The following ACAP2 variants were observed in gnomAD, a reference collection of about 807,000 sequenced individuals.
The protein encoded by ACAP2 is ArfGAP with coiled-coil, ankyrin repeat and PH domains 2.
In ACAP2, 39 loss-of-function variants were observed where a neutral mutation model predicts 115.8. The observed-to-expected ratio is 0.34, with a 90% CI of 0.26 to 0.44. ACAP2 has a LOEUF of 0.44. Among genes scored for constraint, ACAP2 ranks in the 20% least tolerant of loss-of-function variants. The pLI, the probability that ACAP2 is intolerant of heterozygous loss-of-function variation, is 1.00. For missense variants in ACAP2, 662 were observed against 927.6 expected, an observed-to-expected ratio of 0.71 and a Z score of 3.72; for synonymous variants, 289 against 315.8, an observed-to-expected ratio of 0.92 and a Z score of 0.90.
At chr3:195,330,259 G>C (rs1730079351) in intron 8 of ACAP2, among the ~76,000 whole-genome samples, 1 of 152,042 alleles carries the variant, frequency 6.6e-6, no homozygotes, top group African/African-American at 2.4e-5. Flanking sequence ...CTACTGCCAT[G>C]ACTTTAGTTT....
chr3:195,354,941 G>A (rs1731856589), intron 4 of ACAP2, among the ~76,000 whole-genome samples: 1 of 152,200 alleles, frequency 6.6e-6, no homozygotes, highest in Non-Finnish European at 1.5e-5. Flanking sequence ...TCAGCTCACT[G>A]TTACCTGTAC....
intron 2 of ACAP2, among the ~76,000 whole-genome samples, chr3:195,389,215 G>C (rs937728601): frequency 6.6e-6 from 1 of 151,966 alleles, no homozygotes; most frequent in Non-Finnish European, 1.5e-5. Flanking sequence ...ACTCAATGTC[G>C]ATACTTCAAT....
intron 1 of ACAP2, among the ~76,000 whole-genome samples, chr3:195,424,239 T>TGGG (rs1338377450): frequency 9.9e-6 from 1 of 101,316 alleles, no homozygotes; most frequent in African/African-American, 3.8e-5. Context: ...TGTGTGTGTG[T>TGGG]GTGTGGTGTG....
At chr3:195,334,093 GAAT>G (rs1439440012) in intron 7 of ACAP2, among the ~76,000 whole-genome samples, 1 of 151,726 alleles carries the variant, frequency 6.6e-6, no homozygotes, top group Non-Finnish European at 1.5e-5. Flanking sequence ...ATAATTAAAT[GAAT>G]AATACTGAAA....
chr3:195,331,502 G>A (rs889263030), intron 8 of ACAP2, among the ~76,000 whole-genome samples: 4 of 151,430 alleles, frequency 2.6e-5, no homozygotes, highest in Non-Finnish European at 4.4e-5. Flanking sequence ...TAGTAGAGAC[G>A]GGGTTTCACC....
At chr3:195,381,487 T>C (rs1038546861) in intron 3 of ACAP2, among the ~76,000 whole-genome samples, 1 of 152,178 alleles carries the variant, frequency 6.6e-6, no homozygotes, top group African/African-American at 2.4e-5. Context: ...TAACCGAGCA[T>C]AAGCTGGCTA....
At chr3:195,318,729 G>A (rs1729250132) in intron 10 of ACAP2, among the ~76,000 whole-genome samples, 1 of 152,200 alleles carries the variant, frequency 6.6e-6, no homozygotes, top group African/African-American at 2.4e-5. Flanking sequence ...TTGGAACTTA[G>A]TTTAAAAGGG....
chr3:195,434,177 C>CTGTGG (rs1317442118), intron 1 of ACAP2, among the ~76,000 whole-genome samples: 4 of 152,230 alleles, frequency 2.6e-5, no homozygotes, highest in African/African-American at 9.6e-5. Flanking sequence ...AATCCTCCCA[C>CTGTGG]TGTGGCCTCC....
At chr3:195,437,116 T>C (rs1388855229) in intron 1 of ACAP2, among the ~76,000 whole-genome samples, 1 of 152,200 alleles carries the variant, frequency 6.6e-6, no homozygotes, top group Non-Finnish European at 1.5e-5. Flanking sequence ...GGCATCACCA[T>C]AGCTCACTGT....
At chr3:195,306,761 G>T in intron 12 of ACAP2, 145 bp from the exon 13 acceptor site, 2 of 522,638 alleles carry the variant, frequency 3.8e-6, no homozygotes, top group Non-Finnish European at 6.5e-6. Context: ...TTTATTTCAT[G>T]TATCTTTAGG....
intron 4 of ACAP2, among the ~76,000 whole-genome samples, chr3:195,364,879 T>A (rs1483649382): frequency 2.6e-5 from 4 of 152,182 alleles, no homozygotes; most frequent in Admixed American, 1.3e-4. Flanking sequence ...GCAACTTAAG[T>A]GTACATCAAC....
At chr3:195,402,511 T>C (rs1712394648) in intron 1 of ACAP2, among the ~76,000 whole-genome samples, 1 of 152,226 alleles carries the variant, frequency 6.6e-6, no homozygotes, top group Non-Finnish European at 1.5e-5. Flanking sequence ...TATTTACCTA[T>C]ATGTAACCAA....
At chr3:195,392,491 A>G (rs191549407) in intron 1 of ACAP2, among the ~76,000 whole-genome samples, 2 of 152,382 alleles carry the variant, frequency 1.3e-5, no homozygotes, top group East Asian at 3.9e-4. Context: ...ATTTCTTGAT[A>G]ACAAAACACA....
chr3:195,280,081 G>A (rs1726392929), intron 22 of ACAP2, among the ~76,000 whole-genome samples: 1 of 151,170 alleles, frequency 6.6e-6, no homozygotes, highest in Non-Finnish European at 1.5e-5. Flanking sequence ...CTGGGTGGGG[G>A]GGTTGGGGGG....
intron 4 of ACAP2, among the ~76,000 whole-genome samples, chr3:195,380,030 C>T (rs1733843470): frequency 6.6e-6 from 1 of 152,190 alleles, no homozygotes; most frequent in South Asian, 2.1e-4. Context: ...AACACTCAAA[C>T]ACTGCTGGTG....
intron 4 of ACAP2, among the ~76,000 whole-genome samples, chr3:195,366,529 G>A (rs934944693): frequency 1.5e-4 from 23 of 152,096 alleles, no homozygotes; most frequent in African/African-American, 4.8e-4. Flanking sequence ...CTATAGAATC[G>A]CTAGAACCAC....
intron 2 of ACAP2, among the ~76,000 whole-genome samples, chr3:195,385,438 A>G (rs823305): frequency 0.17 from 25,824 of 150,894 alleles, 2,451 homozygotes; most frequent in Admixed American, 0.28. Context: ...GTGGCAGAGA[A>G]GGGAAAGGAG....
At position 195,336,874 on chromosome 3, in the gene ACAP2, T is replaced by C. The variant is rs143856297; in HGVS notation, c.573+58A>G. On this transcript the variant is annotated intron_variant, in intron 7 of 22. Coordinates refer to ENST00000326793, the MANE Select transcript of ACAP2 (RefSeq NM_012287.6). ...AGCAGATGCTCTTTCAACACCTAAA[T>C]ACGTACATTTAGTTTCATATTAAAA... 6.4e-4 allele frequency: 869 copies of C among 1,358,252 alleles called. 12 individuals are homozygous for C. In the East Asian group the frequency reaches 0.019, roughly 29 times the overall value. 84.1% of individuals were successfully genotyped at this position (1,358,252 alleles called of 1,614,324 possible).
intron 2 of ACAP2, among the ~76,000 whole-genome samples, chr3:195,390,055 G>A (rs1163650234): frequency 6.6e-6 from 1 of 152,176 alleles, no homozygotes; most frequent in African/African-American, 2.4e-5. Flanking sequence ...ACTTAGCCAG[G>A]CATAGTGGCG....
Sources: gnomAD v4.1 joint callset for allele counts (sites outside exome capture counted in the v4.1 genomes callset) on GRCh38, gnomAD v4.1.1 for gene constraint, MANE v1.5 for transcripts, NCBI Gene and HGNC (gene_info 2026-07-23, HGNC 2026-07-21) for gene names.